The following TRIM24 variants were observed in gnomAD, a reference collection of about 807,000 sequenced individuals.
TRIM24 encodes the protein tripartite motif containing 24.
TRIM24 carries 29 observed loss-of-function variants against 123.9 expected under a neutral mutation model. That is an observed-to-expected ratio of 0.23 (90% confidence interval 0.17 to 0.32). The LOEUF (loss-of-function observed/expected upper bound fraction) is 0.32, where lower values mean the gene tolerates loss of function less well. TRIM24 is among the 10% of genes least tolerant of loss of function. The pLI, the probability that TRIM24 is intolerant of heterozygous loss-of-function variation, is 1.00. For synonymous variants in TRIM24, 456 were observed against 461.1 expected (o/e 0.99, Z 0.14); for missense variants, 932 against 1,295.3 (o/e 0.72, Z 4.31).
In TRIM24 at chr7:138,529,150, G is replaced by A; in HGVS notation, c.916G>A (p.Glu306Lys). ...IEVNQNQKQV[E>K]QDIKVAIFTL... ...AGTAAATCAAAATCAAAAGCAGGTGGAACAGGATATTAAAGTTGCTATATT... is the reference window on the plus strand; with the variant it reads ...AGTAAATCAAAATCAAAAGCAGGTGAAACAGGATATTAAAGTTGCTATATT... The change falls in exon 6 of 19, where the codon GAA becomes AAA. Residue 306 changes from glutamate to lysine, a missense_variant. Physicochemically the swap from Glu to Lys is moderately conservative, Grantham distance 56. Transcript: ENST00000343526. The A allele has an allele frequency of 6.4e-7, 1 of 1,572,066 alleles. No individual in the cohort carries two copies. The highest frequency in any genetic ancestry group is 8.6e-7 in the Non-Finnish European group (1 of 1,163,668).
At chr7:138,551,541 A>G (rs1277551599) in intron 8 of TRIM24, among the ~76,000 whole-genome samples, 2 of 152,244 alleles carry the variant, frequency 1.3e-5, no homozygotes, top group Non-Finnish European at 1.5e-5. Context: ...ATAGTATTTC[A>G]TTAACGTATG....
At chr7:138,495,705 C>T (rs1795890925) in intron 1 of TRIM24, among the ~76,000 whole-genome samples, 1 of 152,092 alleles carries the variant, frequency 6.6e-6, no homozygotes. Flanking sequence ...GCTTCAGCCT[C>T]CCAAAATGTT....
intron 9 of TRIM24, among the ~76,000 whole-genome samples, chr7:138,565,141 T>C (rs1797509797): frequency 2.0e-5 from 3 of 152,106 alleles, no homozygotes; most frequent in Admixed American, 2.0e-4. Flanking sequence ...ACTCCCCGCA[T>C]TGGTTCCTCC....
In TRIM24 at chr7:138,554,281, A is replaced by G. The variant is rs773341801; in HGVS notation, c.1262-417A>G. Among the ~76,000 whole-genome samples the G allele has an allele frequency of 1.3e-5, 2 of 152,164 alleles. No individual in the cohort carries two copies. The highest frequency in any genetic ancestry group is 2.9e-5 in the Non-Finnish European group (2 of 68,024). On this transcript the variant is annotated intron_variant, in intron 8 of 18. Coordinates refer to ENST00000343526, the MANE Select transcript of TRIM24 (RefSeq NM_015905.3). The surrounding 1 kb of genome is among the most constrained non-coding windows in gnomAD (Gnocchi z 4.5). ...AGTGAGACTGAAATTTTTTTCATATATTTTAACTTAACAATATATTATGAT... is the reference window on the plus strand; with the variant it reads ...AGTGAGACTGAAATTTTTTTCATATGTTTTAACTTAACAATATATTATGAT...
At chr7:138,486,585 A>G (rs561980245) in intron 1 of TRIM24, among the ~76,000 whole-genome samples, 1 of 152,298 alleles carries the variant, frequency 6.6e-6, no homozygotes, top group Non-Finnish European at 1.5e-5. Flanking sequence ...ACCATTTATT[A>G]AATAGGGAAT....
intron 1 of TRIM24, among the ~76,000 whole-genome samples, chr7:138,498,397 G>C (rs894878040): frequency 6.6e-6 from 1 of 151,410 alleles, no homozygotes; most frequent in African/African-American, 2.4e-5. Context: ...GCTAATTTTT[G>C]TATTTTTAGT....
chr7:138,526,344 C>A (rs1241495890), intron 5 of TRIM24, among the ~76,000 whole-genome samples: 1 of 152,120 alleles, frequency 6.6e-6, no homozygotes, highest in Non-Finnish European at 1.5e-5. Context: ...GATGCCCCAG[C>A]ATCATTCTTA....
chr7:138,464,190 G>A (rs1795081955), intron 1 of TRIM24, among the ~76,000 whole-genome samples: 1 of 151,270 alleles, frequency 6.6e-6, no homozygotes, highest in South Asian at 2.1e-4. Flanking sequence ...TAGAGACGGG[G>A]TTTCACCGTG....
intron 1 of TRIM24, among the ~76,000 whole-genome samples, chr7:138,473,141 G>C (rs575964126): frequency 6.6e-6 from 1 of 152,106 alleles, no homozygotes; most frequent in Non-Finnish European, 1.5e-5. Context: ...TTAACCAGGC[G>C]TGGTGGCATG....
At chr7:138,525,853 A>G (rs995921001) in intron 5 of TRIM24, among the ~76,000 whole-genome samples, 1 of 152,230 alleles carries the variant, frequency 6.6e-6, no homozygotes, top group African/African-American at 2.4e-5. Flanking sequence ...GTCTGATAAA[A>G]TGCTTACTTA....
chr7:138,539,323 T>A (rs942362784), intron 7 of TRIM24, among the ~76,000 whole-genome samples: 3 of 152,130 alleles, frequency 2.0e-5, no homozygotes, highest in African/African-American at 4.8e-5. Flanking sequence ...CAATCTGTAG[T>A]GCTGGATATT....
chr7:138,491,544 C>T (rs1795780712), intron 1 of TRIM24, among the ~76,000 whole-genome samples: 1 of 151,244 alleles, frequency 6.6e-6, no homozygotes. Flanking sequence ...AATAATACTC[C>T]ATTGTAAGGG....
intron 1 of TRIM24, among the ~76,000 whole-genome samples, chr7:138,486,618 G>C (rs77022763): frequency 0.43 from 65,748 of 151,636 alleles, 15,003 homozygotes; most frequent in African/African-American, 0.49. Flanking sequence ...TCTTGTTTTT[G>C]TCAGGTTTGT....
rs1797779545 is a variant in TRIM24 at position 138,577,279 on chromosome 7, TTGTTATG to T, written c.2088-140_2088-134del. The T allele has an allele frequency of 5.3e-5, 29 of 551,728 alleles. No homozygotes were observed. In the East Asian group the frequency reaches 9.4e-4, roughly 18 times the overall value. The allele number at this position is 551,728 out of a possible 1,614,324, so 34.2% of individuals were successfully genotyped here. A position where few individuals can be genotyped will look rare whatever the true frequency, so the allele number is the denominator to read the frequency against. ...TGAAACTTGCATACACCAGTTTCATTTGTTATGCATCATTAATTGCTGATGTTAACAT... is the reference window on the plus strand; with the variant it reads ...TGAAACTTGCATACACCAGTTTCATTCATCATTAATTGCTGATGTTAACAT... On this transcript the variant is annotated intron_variant, in intron 13 of 18. Transcript: ENST00000343526.
chr7:138,485,951 C>T (rs969841466), intron 1 of TRIM24, among the ~76,000 whole-genome samples: 5 of 152,188 alleles, frequency 3.3e-5, no homozygotes, highest in Non-Finnish European at 4.4e-5. Flanking sequence ...TTTACACTCC[C>T]ACCAACAGTG....
rs189330755 is a variant in TRIM24, at chr7:138,548,627, T to G, written c.1144-2436T>G. Among the ~76,000 whole-genome samples the G allele has an allele frequency of 2.2e-3, 337 of 152,324 alleles. 2 individuals are homozygous for G. Among genetic ancestry groups the G allele is most frequent in the Middle Eastern group, 0.014 (4 of 294 alleles). On this transcript the variant is annotated intron_variant, in intron 7 of 18. Coordinates refer to ENST00000343526, the MANE Select transcript of TRIM24 (RefSeq NM_015905.3). ...TTTGAAAATATTTTTTCTTCAATAA[T>G]AAATTTTAGCTTACTTAAGGAAAGC...
chr7:138,541,162 A>G (rs1035633697), intron 7 of TRIM24, among the ~76,000 whole-genome samples: 1 of 152,084 alleles, frequency 6.6e-6, no homozygotes, highest in African/African-American at 2.4e-5. Context: ...CTTAATAATT[A>G]TTTCTTAAAT....
intron 1 of TRIM24, among the ~76,000 whole-genome samples, chr7:138,496,544 A>G (rs1034954202): frequency 2.0e-5 from 3 of 152,206 alleles, no homozygotes; most frequent in Admixed American, 6.5e-5. Flanking sequence ...CATTAAATAT[A>G]TATTAGCTGT....
rs1798047237 is a variant in TRIM24 at position 138,587,989 on chromosome 7, A to G, written c.*3038A>G. 6.6e-6 allele frequency: 1 copy of G among 152,212 alleles called. No homozygotes were observed. Among genetic ancestry groups the G allele is most frequent in the Non-Finnish European group, 1.5e-5 (1 of 68,036 alleles). The allele number at this position is 152,212 out of a possible 1,614,324, so 9.4% of individuals were successfully genotyped here. On this transcript the variant is annotated 3_prime_UTR_variant, in exon 19 of 19. Transcript: ENST00000343526. Reference sequence around the variant, plus strand: ...GAAGGGTAGGAAAGTGGAAGGTACTAAAAAGGAAAATGTAGTTTTAGTTTC... The same window carrying G: ...GAAGGGTAGGAAAGTGGAAGGTACTGAAAAGGAAAATGTAGTTTTAGTTTC...
Sources: gnomAD v4.1 joint callset for allele counts (sites outside exome capture counted in the v4.1 genomes callset) on GRCh38, gnomAD v4.1.1 for gene constraint, Gnocchi (gnomAD v3.1) non-coding constraint, MANE v1.5 for transcripts, NCBI Gene and HGNC (gene_info 2026-07-23, HGNC 2026-07-21) for gene names.